The following CDKL4 variants were observed in gnomAD, a reference collection of about 807,000 sequenced individuals.
The protein encoded by CDKL4 is cyclin-dependent kinase-like 4.
CDKL4 carries 44 observed loss-of-function variants against 42.0 expected under a neutral mutation model. The observed-to-expected ratio is 1.05, with a 90% confidence interval of 0.82 to 1.35. CDKL4 has a LOEUF of 1.35. CDKL4 is among the 40% of genes most tolerant of loss of function. The probability of loss-of-function intolerance (pLI) is 0.00; values close to 1 mark genes in which losing one functional copy is unlikely to be tolerated. For synonymous variants in CDKL4, 120 were observed against 121.6 expected, an observed-to-expected ratio of 0.99 and a Z score of 0.09; for missense variants, 393 against 369.9, an observed-to-expected ratio of 1.06 and a Z score of -0.51.
chr2:39,214,519 T>C (rs1368071204), intron 3 of CDKL4, among the ~76,000 whole-genome samples: 1 of 152,232 alleles, frequency 6.6e-6, no homozygotes, highest in East Asian at 1.9e-4. Flanking sequence ...AAGTCTTCAA[T>C]GAATATCTGT....
At chr2:39,218,247 T>C (rs950866772) in intron 3 of CDKL4, among the ~76,000 whole-genome samples, 1 of 151,672 alleles carries the variant, frequency 6.6e-6, no homozygotes, top group South Asian at 2.1e-4. Flanking sequence ...ATGCCTGTAA[T>C]CCCAGCACTT....
At chr2:39,199,874 C>T (rs1045392910) in intron 5 of CDKL4, among the ~76,000 whole-genome samples, 1 of 152,118 alleles carries the variant, frequency 6.6e-6, no homozygotes, top group Non-Finnish European at 1.5e-5. Flanking sequence ...AACCCACAGT[C>T]AACATTATAC....
chr2:39,210,496 C>T (rs765243361), intron 4 of CDKL4, among the ~76,000 whole-genome samples: 2 of 152,142 alleles, frequency 1.3e-5, no homozygotes, highest in Non-Finnish European at 2.9e-5. Context: ...TCCAACCATC[C>T]ACCCATCCCT....
At chr2:39,174,687 A>G (rs1675097804), downstream of CDKL4, among the ~76,000 whole-genome samples, 1 of 152,204 alleles carries the variant, frequency 6.6e-6, no homozygotes, top group African/African-American at 2.4e-5. Flanking sequence ...ATGAGTTAAT[A>G]AAATACTCTT....
intron 1 of CDKL4, among the ~76,000 whole-genome samples, chr2:39,242,202 T>C (rs1263100315): frequency 6.6e-6 from 1 of 152,146 alleles, no homozygotes; most frequent in East Asian, 1.9e-4. Context: ...TGTGCCACCA[T>C]GCCTAGCTAA....
intron 3 of CDKL4, 111 bp downstream of exon 3, chr2:39,225,728 T>A (rs1678667499): frequency 9.5e-7 from 1 of 1,055,844 alleles, no homozygotes; most frequent in African/African-American, 1.6e-5. Context: ...GCCAGATGCA[T>A]TGTGGTAGAA....
At chr2:39,235,547 C>G (rs1474087594) in intron 1 of CDKL4, among the ~76,000 whole-genome samples, 1 of 152,070 alleles carries the variant, frequency 6.6e-6, no homozygotes, top group Non-Finnish European at 1.5e-5. Context: ...GAGTTCAAGA[C>G]CAGCCTGGGC....
intron 1 of CDKL4, among the ~76,000 whole-genome samples, chr2:39,235,937 T>G (rs1372889664): frequency 1.3e-5 from 2 of 151,264 alleles, no homozygotes; most frequent in Non-Finnish European, 2.9e-5. Context: ...TGACTGATAC[T>G]CAGAAAAAAT....
chr2:39,217,369 G>C (rs1280043296), intron 3 of CDKL4, among the ~76,000 whole-genome samples: 1 of 152,106 alleles, frequency 6.6e-6, no homozygotes, highest in Non-Finnish European at 1.5e-5. Flanking sequence ...ACATGATGGG[G>C]GAATTCAGAC....
Position 39,195,689 on chromosome 2 carries a change from C to T in CDKL4, c.455-5187G>A, listed in dbSNP as rs150933939. Among the ~76,000 whole-genome samples the T allele has an allele frequency of 6.4e-3, 906 of 141,154 alleles. 8 individuals are homozygous for T. Among genetic ancestry groups the T allele is most frequent in the African/African-American group, 0.023 (867 of 37,248 alleles). 92.6% of individuals were successfully genotyped at this position (141,154 alleles called of 152,430 possible). A position where few individuals can be genotyped will look rare whatever the true frequency, so the allele number is the denominator to read the frequency against. On this transcript the variant is annotated intron_variant, in intron 5 of 9. Transcript: ENST00000451199. The stretch of plus-strand genomic sequence containing the variant: ...ACAGGGTCTCACTTTGTCGCCTGGG[C>T]TGGAGTGTAGTGGTGCAGTCTTGGC...
At chr2:39,230,055 G>C (rs1679002440) in intron 1 of CDKL4, among the ~76,000 whole-genome samples, 1 of 152,232 alleles carries the variant, frequency 6.6e-6, no homozygotes, top group South Asian at 2.1e-4. Flanking sequence ...AGAGAAGAAA[G>C]AGCGTGGGCC....
chr2:39,231,288 T>C (rs1679082102), intron 1 of CDKL4, among the ~76,000 whole-genome samples: 1 of 152,222 alleles, frequency 6.6e-6, no homozygotes, highest in Admixed American at 6.5e-5. Flanking sequence ...CAGGTCTTGG[T>C]ATTAACAAAA....
At chr2:39,247,009 T>C (rs1408778249), upstream of CDKL4, among the ~76,000 whole-genome samples, 1 of 152,202 alleles carries the variant, frequency 6.6e-6, no homozygotes, top group African/African-American at 2.4e-5. Context: ...CCTCCCAGTG[T>C]TGGGATTAGA....
exon 6 of CDKL4, chr2:39,190,426 C>T: frequency 1.9e-6 from 3 of 1,614,102 alleles, no homozygotes; most frequent in Non-Finnish European, 2.5e-6. Context: ...AAGAACCATA[C>T]TGAGTATCTC....
At chr2:39,245,773 T>G (rs2148420663), upstream of CDKL4, among the ~76,000 whole-genome samples, 1 of 152,350 alleles carries the variant, frequency 6.6e-6, no homozygotes, top group South Asian at 2.1e-4. Flanking sequence ...CATTAGTCAT[T>G]ACTTTTCGGT....
At chr2:39,174,108 T>G (rs1376728604), downstream of CDKL4, among the ~76,000 whole-genome samples, 1 of 151,858 alleles carries the variant, frequency 6.6e-6, no homozygotes. Context: ...TCAGCTCACT[T>G]AAAAAGTCCT....
chr2:39,234,186 T>C (rs1474070756), intron 1 of CDKL4, among the ~76,000 whole-genome samples: 1 of 152,198 alleles, frequency 6.6e-6, no homozygotes, highest in Non-Finnish European at 1.5e-5. Context: ...GTGCTAGGAC[T>C]ACAGGCGTGA....
At chr2:39,179,147 G>A in intron 9 of CDKL4, 40 bp downstream of exon 9, 1 of 1,581,544 alleles carries the variant, frequency 6.3e-7, no homozygotes, top group Non-Finnish European at 8.5e-7. Flanking sequence ...AACAAAAAAG[G>A]AATTATTTTT....
chr2:39,211,298 G>C (rs915773145), intron 4 of CDKL4, among the ~76,000 whole-genome samples: 107 of 152,270 alleles, frequency 7.0e-4, no homozygotes, highest in African/African-American at 2.4e-3. Context: ...TGAAGTGGGA[G>C]AATCACTTGA....
Sources: gnomAD v4.1 joint callset for allele counts (sites outside exome capture counted in the v4.1 genomes callset) on GRCh38, gnomAD v4.1.1 for gene constraint, MANE v1.5 for transcripts, NCBI Gene and HGNC (gene_info 2026-07-23, HGNC 2026-07-21) for gene names.